LDAH: variants seen among roughly 807,000 people sequenced by gnomAD.
The protein encoded by LDAH is lipid droplet-associated hydrolase.
A neutral mutation model predicts 29.6 loss-of-function variants in LDAH; 26 were observed. The ratio of observed to expected loss-of-function variants is 0.88; its 90% confidence interval spans 0.64 to 1.22. The LOEUF (loss-of-function observed/expected upper bound fraction) is 1.22, where lower values mean the gene tolerates loss of function less well. LDAH is among the 50% of genes most tolerant of loss of function. The pLI, the probability that LDAH is intolerant of heterozygous loss-of-function variation, is 0.00. For missense variants in LDAH, 344 were observed against 387.3 expected, an observed-to-expected ratio of 0.89 and a Z score of 0.94; for synonymous variants, 117 against 133.0, an observed-to-expected ratio of 0.88 and a Z score of 0.83.
intron 6 of LDAH, among the ~76,000 whole-genome samples, chr2:20,688,915 G>C (rs561991692): frequency 4.2e-5 from 6 of 143,118 alleles, no homozygotes; most frequent in Non-Finnish European, 9.0e-5. Context: ...AGGTATACAC[G>C]TGCCACGGTG....
chr2:20,756,324 C>T (rs1349384771), intron 4 of LDAH, among the ~76,000 whole-genome samples: 6 of 152,090 alleles, frequency 3.9e-5, no homozygotes, highest in African/African-American at 7.2e-5. Flanking sequence ...TGAGAGCCAC[C>T]GTGCCCAGCC....
At chr2:20,818,955 C>T (rs1673054248) in intron 1 of LDAH, among the ~76,000 whole-genome samples, 2 of 152,042 alleles carry the variant, frequency 1.3e-5, no homozygotes. Flanking sequence ...ACATTTTCAC[C>T]TACTTTTGCT....
chr2:20,782,262 T>C (rs564641882), intron 3 of LDAH, among the ~76,000 whole-genome samples: 1 of 152,330 alleles, frequency 6.6e-6, no homozygotes, highest in Admixed American at 6.5e-5. Flanking sequence ...TTTTGATGCA[T>C]GCCAAAGTTT....
chr2:20,745,637 ACTTT>A (rs1558436704), intron 4 of LDAH, among the ~76,000 whole-genome samples: 1 of 152,166 alleles, frequency 6.6e-6, no homozygotes, highest in Non-Finnish European at 1.5e-5. Flanking sequence ...CAATCTATAT[ACTTT>A]CTATTTGTCA....
chr2:20,730,101 A>G (rs1666294932), intron 5 of LDAH, among the ~76,000 whole-genome samples: 1 of 152,204 alleles, frequency 6.6e-6, no homozygotes, highest in African/African-American at 2.4e-5. Context: ...ACTGAGCATA[A>G]TTCTCTGGAG....
At chr2:20,795,000 C>G (rs1671215232) in intron 2 of LDAH, among the ~76,000 whole-genome samples, 1 of 152,080 alleles carries the variant, frequency 6.6e-6, no homozygotes, top group Non-Finnish European at 1.5e-5. Flanking sequence ...AATTAAAAGG[C>G]CTACACTTAT....
At chr2:20,802,169 C>T (rs1337058648) in intron 1 of LDAH, among the ~76,000 whole-genome samples, 4 of 152,002 alleles carry the variant, frequency 2.6e-5, no homozygotes, top group Non-Finnish European at 4.4e-5. Context: ...AAGCAATTCT[C>T]CTGCCTCAGC....
rs1017761534 is a variant in LDAH, at chr2:20,685,834, A to G, written c.*1069T>C. ...AGAGAAGGTGAATTCACATAACTTA[A>G]TGGCTGGGTTTGGTTCATTAACAAA... On this transcript the variant is annotated 3_prime_UTR_variant, in exon 7 of 7. Coordinates refer to ENST00000237822, the MANE Select transcript of LDAH (RefSeq NM_021925.4). 4.6e-6 allele frequency: 3 copies of G among 656,892 alleles called. No individual in the cohort carries two copies. The African/African-American group carries it at 5.6e-5, about 12-fold the overall frequency. The allele number at this position is 656,892 out of a possible 1,614,324, so 40.7% of individuals were successfully genotyped here. A position where few individuals can be genotyped will look rare whatever the true frequency, so the allele number is the denominator to read the frequency against.
intron 4 of LDAH, among the ~76,000 whole-genome samples, chr2:20,746,609 T>C (rs1450948736): frequency 6.6e-6 from 1 of 152,122 alleles, no homozygotes; most frequent in Non-Finnish European, 1.5e-5. Flanking sequence ...ATTGTAATGA[T>C]AATTTCAATG....
rs536340475 is a variant in LDAH at position 20,772,790 on chromosome 2, C to G, written c.468+2020G>C. 3.2e-4 allele frequency among the ~76,000 whole-genome samples: 49 copies of G among 152,298 alleles called. 1 individual carries two copies. The South Asian group carries it at 9.1e-3, about 28-fold the overall frequency. On this transcript the variant is annotated intron_variant, in intron 4 of 6. Transcript: ENST00000237822. Reference sequence around the variant, plus strand: ...ACACGTTAAAGAAGGTGGCCTCCCCCCAAATGCCACTGCTGAATGAAGGCT... The same window carrying G: ...ACACGTTAAAGAAGGTGGCCTCCCCGCAAATGCCACTGCTGAATGAAGGCT...
intron 4 of LDAH, among the ~76,000 whole-genome samples, chr2:20,758,244 T>C (rs1410831987): frequency 6.6e-6 from 1 of 152,190 alleles, no homozygotes; most frequent in East Asian, 1.9e-4. Flanking sequence ...ATTTTAAAAA[T>C]TGTTGATGGT....
At chr2:20,777,232 A>G (rs899487172) in intron 3 of LDAH, among the ~76,000 whole-genome samples, 1 of 152,188 alleles carries the variant, frequency 6.6e-6, no homozygotes, top group African/African-American at 2.4e-5. Flanking sequence ...TGTATTTCAG[A>G]TAAACTTTAA....
At chr2:20,779,524 AAAT>A (rs1356609914) in intron 3 of LDAH, among the ~76,000 whole-genome samples, 5 of 152,042 alleles carry the variant, frequency 3.3e-5, no homozygotes, top group Admixed American at 6.6e-5. Flanking sequence ...ATACACAAAA[AAAT>A]AATATGTTGT....
rs1662421735 is a variant in LDAH, at chr2:20,684,474, A to T, written c.*2429T>A. ...GGGCTGGTCTCAAACTCCTAGCCTCAAACGATCTTCCCAGCTCATCCTCCC... is the reference window on the plus strand; with the variant it reads ...GGGCTGGTCTCAAACTCCTAGCCTCTAACGATCTTCCCAGCTCATCCTCCC... On this transcript the variant is annotated 3_prime_UTR_variant, in exon 7 of 7. Coordinates refer to ENST00000237822, the MANE Select transcript of LDAH (RefSeq NM_021925.4). 6.4e-6 allele frequency: 1 copy of T among 156,948 alleles called. No homozygotes were observed. The highest frequency in any genetic ancestry group is 2.0e-4 in the South Asian group (1 of 4,892). 9.7% of individuals were successfully genotyped at this position (156,948 alleles called of 1,614,324 possible). A position where few individuals can be genotyped will look rare whatever the true frequency, so the allele number is the denominator to read the frequency against.
intron 5 of LDAH, among the ~76,000 whole-genome samples, chr2:20,713,295 C>T (rs760283513): frequency 6.6e-6 from 1 of 152,128 alleles, no homozygotes; most frequent in South Asian, 2.1e-4. Flanking sequence ...AACTAAGCTT[C>T]GTAAATGAAG....
At chr2:20,766,591 T>C (rs1431928460) in intron 4 of LDAH, among the ~76,000 whole-genome samples, 1 of 152,212 alleles carries the variant, frequency 6.6e-6, no homozygotes, top group Non-Finnish European at 1.5e-5. Flanking sequence ...CATTGTGTTA[T>C]TATAGCACAG....
At chr2:20,789,095 C>G in intron 3 of LDAH, 1 of 1,543,656 alleles carries the variant, frequency 6.5e-7, no homozygotes. Flanking sequence ...TCTGTTGTAC[C>G]TCTGCACCCA....
chr2:20,683,011 T>C (rs1162695622), downstream of LDAH, among the ~76,000 whole-genome samples: 1 of 151,828 alleles, frequency 6.6e-6, no homozygotes, highest in African/African-American at 2.4e-5. Flanking sequence ...CTTCTAGGAC[T>C]AGGGGCAACC....
intron 4 of LDAH, among the ~76,000 whole-genome samples, chr2:20,760,248 C>T (rs186825622): frequency 6.6e-6 from 1 of 152,266 alleles, no homozygotes; most frequent in Non-Finnish European, 1.5e-5. Flanking sequence ...AGGCTAGCTG[C>T]TACTGCTACA....
Sources: allele counts gnomAD v4.1 joint callset (sites outside exome capture counted in the v4.1 genomes callset), GRCh38; gene constraint gnomAD v4.1.1; transcripts MANE v1.5; gene names NCBI Gene and HGNC (gene_info 2026-07-23, HGNC 2026-07-21).